The following LEPROTL1 variants were observed in gnomAD, a reference collection of about 807,000 sequenced individuals.
LEPROTL1 encodes the protein leptin receptor overlapping transcript like 1, also known as leptin receptor overlapping transcript-like 1.
In LEPROTL1, 6 loss-of-function variants were observed where a neutral mutation model predicts 15.4. The observed-to-expected ratio is 0.39, with a 90% CI of 0.21 to 0.77. LEPROTL1 has a LOEUF of 0.77. Among genes scored for constraint, LEPROTL1 ranks in the 30% least tolerant of loss-of-function variants. The probability of loss-of-function intolerance (pLI) is 0.41; values close to 1 mark genes in which losing one functional copy is unlikely to be tolerated. For missense variants in LEPROTL1, 128 were observed against 158.1 expected, an observed-to-expected ratio of 0.81 and a Z score of 1.02; for synonymous variants, 56 against 52.6, an observed-to-expected ratio of 1.06 and a Z score of -0.28.
At chr8:30,112,632 G>A (rs1802672534), downstream of LEPROTL1, among the ~76,000 whole-genome samples, 1 of 151,732 alleles carries the variant, frequency 6.6e-6, no homozygotes, top group Admixed American at 6.6e-5. Context: ...CTACATACCA[G>A]GTTCTGGAGG....
intron 3 of LEPROTL1, among the ~76,000 whole-genome samples, chr8:30,121,229 T>G (rs548936705): frequency 2.0e-5 from 3 of 152,184 alleles, no homozygotes; most frequent in Non-Finnish European, 4.4e-5. Context: ...TTATTGTTTT[T>G]GGGGTTTTGT....
chr8:30,127,889 CG>C (rs1802931592), intron 3 of LEPROTL1, among the ~76,000 whole-genome samples: 2 of 151,856 alleles, frequency 1.3e-5, no homozygotes, highest in Admixed American at 1.3e-4. Context: ...TTAAAAAGAG[CG>C]GGTGGGGTGT....
chr8:30,132,363 G>A, intron 3 of LEPROTL1: 1 of 1,551,744 alleles, frequency 6.4e-7, no homozygotes, highest in South Asian at 1.2e-5. Context: ...ATATCCTGTG[G>A]GTTCTTTCCA....
chr8:30,111,862 G>A (rs1802656794), downstream of LEPROTL1, among the ~76,000 whole-genome samples: 1 of 152,172 alleles, frequency 6.6e-6, no homozygotes, highest in East Asian at 1.9e-4. Flanking sequence ...TCAGCATCCT[G>A]AGGTTTCAGA....
At chr8:30,137,375 T>G (rs1476626622) in exon 5 of LEPROTL1, 2 of 1,551,528 alleles carry the variant, frequency 1.3e-6, no homozygotes, top group Admixed American at 3.9e-5. Flanking sequence ...ATGAGAAGAT[T>G]GTTACCTGCA....
Position 30,106,066 on chromosome 8 carries a change from C to T in LEPROTL1, c.*204C>T. 1.8e-6 allele frequency: 2 copies of T among 1,106,854 alleles called. No homozygotes were observed. The highest frequency in any genetic ancestry group is 2.2e-6 in the Non-Finnish European group (2 of 905,108). 68.6% of individuals were successfully genotyped at this position (1,106,854 alleles called of 1,614,324 possible). The stretch of plus-strand genomic sequence containing the variant: ...AAAAGGATTTTCTCTTTTGGAAAAG[C>T]TTGACTGATTTCACACTTATCTATA... On this transcript the variant is annotated 3_prime_UTR_variant, in exon 4 of 4. Transcript: ENST00000321250.
intron 3 of LEPROTL1, among the ~76,000 whole-genome samples, chr8:30,118,020 T>G (rs13267889): frequency 0.075 from 974 of 13,004 alleles, 19 homozygotes; most frequent in African/African-American, 0.099. Flanking sequence ...TTTTGATTTG[T>G]TTTTTTTTTT....
exon 5 of LEPROTL1, chr8:30,137,350 C>T (rs1172759698): frequency 1.3e-5 from 20 of 1,551,692 alleles, no homozygotes; most frequent in Non-Finnish European, 1.7e-5. Context: ...GCAGCTGCCT[C>T]TCCCAGCAGC....
intron 3 of LEPROTL1, among the ~76,000 whole-genome samples, chr8:30,121,407 C>T (rs1441594539): frequency 6.6e-6 from 1 of 152,124 alleles, no homozygotes; most frequent in African/African-American, 2.4e-5. Flanking sequence ...CACCCGCCAC[C>T]ACGCCAGGCT....
chr8:30,127,041 A>G (rs1425819650), intron 3 of LEPROTL1, among the ~76,000 whole-genome samples: 1 of 149,974 alleles, frequency 6.7e-6, no homozygotes, highest in Non-Finnish European at 1.5e-5. Flanking sequence ...CTGTGTCTGA[A>G]AAAAAAAAAA....
intron 2 of LEPROTL1, among the ~76,000 whole-genome samples, chr8:30,103,694 A>T (rs1802508521): frequency 6.6e-6 from 1 of 151,494 alleles, no homozygotes; most frequent in African/African-American, 2.4e-5. Context: ...GTGAGCCGAG[A>T]TCATGCCACT....
At chr8:30,102,652 C>CAA (rs199960893) in intron 2 of LEPROTL1, among the ~76,000 whole-genome samples, 5 of 101,148 alleles carry the variant, frequency 4.9e-5, no homozygotes, top group Non-Finnish European at 6.3e-5. Context: ...ACTCTGTTTC[C>CAA]AAAAAAAAAA....
intron 3 of LEPROTL1, among the ~76,000 whole-genome samples, chr8:30,123,487 T>C (rs1010469174): frequency 6.6e-6 from 1 of 152,228 alleles, no homozygotes; most frequent in East Asian, 1.9e-4. Flanking sequence ...GCAACATCTC[T>C]CAGCAGTGTT....
At chr8:30,096,201 CTT>C (rs56848821) in intron 1 of LEPROTL1, 19,516 of 538,250 alleles carry the variant, frequency 0.036, 92 homozygotes, top group East Asian at 0.092. Flanking sequence ...TCTTTTTTTC[CTT>C]TTTTTTTTTT....
intron 4 of LEPROTL1, chr8:30,132,718 C>A (rs137925555): frequency 3.2e-6 from 5 of 1,551,700 alleles, no homozygotes; most frequent in Non-Finnish European, 4.4e-6. Flanking sequence ...GCACAGAGAG[C>A]CTCCCAGGAG....
At chr8:30,114,922 C>T (rs1251495904) in intron 3 of LEPROTL1, among the ~76,000 whole-genome samples, 4 of 152,104 alleles carry the variant, frequency 2.6e-5, no homozygotes, top group Non-Finnish European at 4.4e-5. Flanking sequence ...CTTTCATTGC[C>T]GGAGCAAGTC....
intron 3 of LEPROTL1, among the ~76,000 whole-genome samples, chr8:30,124,864 A>G (rs966588653): frequency 1.5e-4 from 23 of 152,236 alleles, no homozygotes; most frequent in Non-Finnish European, 1.5e-4. Context: ...AGGAGTTAAC[A>G]TAATGTTCTT....
intron 3 of LEPROTL1, 109 bp downstream of exon 3, chr8:30,104,595 C>T (rs1802529196): frequency 3.4e-6 from 2 of 588,070 alleles, no homozygotes; most frequent in Admixed American, 6.8e-5. Flanking sequence ...ACATAAGAGC[C>T]TAGAAGATAG....
At chr8:30,127,413 G>A (rs531931880) in intron 3 of LEPROTL1, among the ~76,000 whole-genome samples, 109 of 152,278 alleles carry the variant, frequency 7.2e-4, no homozygotes, top group African/African-American at 2.3e-3. Flanking sequence ...CCCAATGGGC[G>A]CTGTTTCCAT....
Sources: gnomAD v4.1 joint callset for allele counts (sites outside exome capture counted in the v4.1 genomes callset) on GRCh38, gnomAD v4.1.1 for gene constraint, MANE v1.5 for transcripts, NCBI Gene and HGNC (gene_info 2026-07-23, HGNC 2026-07-21) for gene names.